Variants in RETREG1 observed in about 807,000 individuals in gnomAD.
RETREG1 encodes reticulophagy regulator 1.
RETREG1 carries 44 observed loss-of-function variants against 54.8 expected under a neutral mutation model. The ratio of observed to expected loss-of-function variants is 0.80; its 90% CI spans 0.63 to 1.03. RETREG1 has a LOEUF of 1.03. RETREG1 is among the 50% of genes least tolerant of loss of function. The pLI is 0.00. For missense variants in RETREG1, 554 were observed against 605.1 expected (o/e 0.92, Z 0.89); for synonymous variants, 217 against 238.5 (o/e 0.91, Z 0.83).
At chr5:16,521,762 T>G (rs573736377) in intron 3 of RETREG1, among the ~76,000 whole-genome samples, 1 of 152,232 alleles carries the variant, frequency 6.6e-6, no homozygotes. Context: ...ATCTTCCTTA[T>G]TGCACTCTGC....
chr5:16,551,000 A>G (rs934029471), intron 3 of RETREG1, among the ~76,000 whole-genome samples: 2 of 152,224 alleles, frequency 1.3e-5, no homozygotes, highest in Non-Finnish European at 2.9e-5. Flanking sequence ...GGTGATGGAA[A>G]TGTTCTGGAA....
chr5:16,579,618 G>C (rs1249432597), intron 1 of RETREG1, among the ~76,000 whole-genome samples: 1 of 152,122 alleles, frequency 6.6e-6, no homozygotes, highest in South Asian at 2.1e-4. Flanking sequence ...ATTCATCCCT[G>C]TCTCGCCCAA....
Position 16,593,533 on chromosome 5 carries a change from T to C in RETREG1, c.321-21431A>G, listed in dbSNP as rs1742829615. Among the ~76,000 whole-genome samples the C allele has an allele frequency of 6.6e-6, 1 of 152,060 alleles. No individual in the cohort carries two copies. Among genetic ancestry groups the C allele is most frequent in the African/African-American group, 2.4e-5 (1 of 41,376 alleles). ...ATGTAATCATTAATCATAAATTCCT[T>C]AAAGCACATTATCATAATAATGACA... On this transcript the variant is annotated intron_variant, in intron 1 of 8. Coordinates refer to ENST00000306320, the MANE Select transcript of RETREG1 (RefSeq NM_001034850.3). The surrounding 1 kb of genome is among the most constrained non-coding windows in gnomAD (Gnocchi z 4.9).
intron 3 of RETREG1, among the ~76,000 whole-genome samples, chr5:16,519,760 G>T (rs1740470963): frequency 6.6e-6 from 1 of 152,138 alleles, no homozygotes. Context: ...TCTTGTGCTG[G>T]TATAACTATT....
chr5:16,523,412 G>A (rs1206471012), intron 3 of RETREG1, among the ~76,000 whole-genome samples: 1 of 152,082 alleles, frequency 6.6e-6, no homozygotes, highest in Non-Finnish European at 1.5e-5. Flanking sequence ...GTTTTGTAGA[G>A]ATGCGTCAGT....
intron 5 of RETREG1, among the ~76,000 whole-genome samples, 190 bp from the exon 6 acceptor site, chr5:16,479,177 A>G (rs1404374623): frequency 6.6e-6 from 1 of 151,978 alleles, no homozygotes; most frequent in Non-Finnish European, 1.5e-5. Flanking sequence ...CACCACCCAC[A>G]AACACACACA....
intron 1 of RETREG1, among the ~76,000 whole-genome samples, chr5:16,599,504 G>T (rs1742992334): frequency 6.6e-6 from 1 of 152,190 alleles, no homozygotes; most frequent in Non-Finnish European, 1.5e-5. Flanking sequence ...CTCAAGGGAG[G>T]TGAGCAGAGA....
chr5:16,535,864 G>A (rs7709419), intron 3 of RETREG1, among the ~76,000 whole-genome samples: 5 of 104,854 alleles, frequency 4.8e-5, no homozygotes, highest in African/African-American at 1.1e-4. Flanking sequence ...CTGCCTTCAG[G>A]AAGTGGGAGC....
intron 3 of RETREG1, among the ~76,000 whole-genome samples, chr5:16,559,962 G>A (rs1561120449): frequency 6.6e-6 from 1 of 152,200 alleles, no homozygotes; most frequent in Non-Finnish European, 1.5e-5. Context: ...AGATTGTAGA[G>A]TTAGTGTTTA....
chr5:16,497,397 C>T (rs564761600), intron 3 of RETREG1, among the ~76,000 whole-genome samples: 92 of 152,304 alleles, frequency 6.0e-4, no homozygotes, highest in African/African-American at 1.3e-3. Flanking sequence ...GTCACACTAC[C>T]GGCAAAGCTG....
At chr5:16,494,726 A>G (rs2126539189) in intron 3 of RETREG1, among the ~76,000 whole-genome samples, 1 of 152,298 alleles carries the variant, frequency 6.6e-6, no homozygotes, top group Middle Eastern at 3.4e-3. Context: ...AGTCTCTGGT[A>G]TTTCTTTATA....
At position 16,576,642 on chromosome 5, in the gene RETREG1, C is replaced by A. The variant is rs922067008; in HGVS notation, c.321-4540G>T. On this transcript the variant is annotated intron_variant, in intron 1 of 8. Transcript: ENST00000306320. ...CTGGGATTACAGGCATGTACCAACA[C>A]GCCCGGCTAATTTTGTATTTTTAGT... Among the ~76,000 whole-genome samples the A allele has an allele frequency of 4.4e-4, 67 of 152,286 alleles. 1 individual carries two copies. The highest frequency in any genetic ancestry group is 1.6e-3 in the African/African-American group (67 of 41,542).
chr5:16,615,031 C>T (rs1743452109), intron 1 of RETREG1, among the ~76,000 whole-genome samples: 3 of 152,194 alleles, frequency 2.0e-5, no homozygotes, highest in Admixed American at 2.0e-4. Context: ...AATGCTTACC[C>T]TTTTGTACCT....
intron 1 of RETREG1, among the ~76,000 whole-genome samples, chr5:16,613,520 G>A (rs910756093): frequency 6.6e-6 from 1 of 152,202 alleles, no homozygotes; most frequent in African/African-American, 2.4e-5. Context: ...GGTTACGGCT[G>A]TGTCACAATT....
intron 3 of RETREG1, among the ~76,000 whole-genome samples, chr5:16,493,922 T>C (rs796388246): frequency 2.9e-4 from 44 of 152,336 alleles, no homozygotes; most frequent in African/African-American, 9.6e-4. Context: ...TTTTTGTTTG[T>C]AGAATCAGCC....
chr5:16,612,469 A>G (rs1022641965), intron 1 of RETREG1, among the ~76,000 whole-genome samples: 6 of 152,360 alleles, frequency 3.9e-5, no homozygotes, highest in Admixed American at 2.6e-4. Flanking sequence ...CAAAATGTTT[A>G]CCCTTCTGTA....
chr5:16,538,866 G>C (rs975816886), intron 3 of RETREG1, among the ~76,000 whole-genome samples: 2 of 152,032 alleles, frequency 1.3e-5, no homozygotes. Context: ...CACAATGCCC[G>C]GCTAATTTTT....
At position 16,577,767 on chromosome 5, in the gene RETREG1, G is replaced by C. The variant is rs114350641; in HGVS notation, c.321-5665C>G. On this transcript the variant is annotated intron_variant, in intron 1 of 8. Transcript: ENST00000306320. Reference sequence around the variant, plus strand: ...TCACAGGGGCGGTTTCTCCCATACTGTTCTCGTGGGAGTGAGTAAGTCTCA... The same window carrying C: ...TCACAGGGGCGGTTTCTCCCATACTCTTCTCGTGGGAGTGAGTAAGTCTCA... Among the ~76,000 whole-genome samples, 1,061 of 152,178 alleles carry C rather than the reference G, an allele frequency of 7.0e-3. 8 individuals carry two copies. Among genetic ancestry groups the C allele is most frequent in the African/African-American group, 0.024 (989 of 41,530 alleles).
At chr5:16,579,981 T>C (rs1473103460) in intron 1 of RETREG1, among the ~76,000 whole-genome samples, 1 of 152,232 alleles carries the variant, frequency 6.6e-6, no homozygotes, top group Non-Finnish European at 1.5e-5. Flanking sequence ...TAAAAAAATT[T>C]TAACAGTTCC....
Sources: gnomAD v4.1 joint callset for allele counts (sites outside exome capture counted in the v4.1 genomes callset) on GRCh38, gnomAD v4.1.1 for gene constraint, Gnocchi (gnomAD v3.1) non-coding constraint, MANE v1.5 for transcripts, NCBI Gene and HGNC (gene_info 2026-07-23, HGNC 2026-07-21) for gene names.